The following MACROD2 variants were observed in gnomAD, a reference collection of about 807,000 sequenced individuals.
MACROD2 encodes the protein mono-ADP ribosylhydrolase 2.
In MACROD2, 36 loss-of-function variants were observed where a neutral mutation model predicts 70.4. That is an observed-to-expected ratio of 0.51 (90% CI 0.39 to 0.68). MACROD2 has a LOEUF of 0.68. Among genes scored for constraint, MACROD2 ranks in the 30% least tolerant of loss-of-function variants. The pLI is 0.00. For synonymous variants in MACROD2, 172 were observed against 178.8 expected, an observed-to-expected ratio of 0.96 and a Z score of 0.30; for missense variants, 496 against 538.4, an observed-to-expected ratio of 0.92 and a Z score of 0.78.
chr20:14,711,963 T>C lies in MACROD2; in HGVS notation c.418+27004T>C, dbSNP rs543618174. ...GTGCTGACCAGACTTCTTCCATCTG[T>C]ATAGAACACTCACTTTTTCACATCA... On this transcript the variant is annotated intron_variant, in intron 5 of 17. Transcript: ENST00000684519. Among the ~76,000 whole-genome samples the C allele has an allele frequency of 1.6e-3, 238 of 152,296 alleles. 2 individuals are homozygous for C. The highest frequency in any genetic ancestry group is 5.6e-3 in the African/African-American group (232 of 41,562).
At chr20:15,191,213 G>A (rs1201113664) in intron 5 of MACROD2, among the ~76,000 whole-genome samples, 1 of 152,274 alleles carries the variant, frequency 6.6e-6, no homozygotes, top group East Asian at 1.9e-4. Context: ...TGTCCCTACA[G>A]AGAACAGGAG....
chr20:14,045,467 A>G (rs1362682180), intron 2 of MACROD2, among the ~76,000 whole-genome samples: 1 of 152,268 alleles, frequency 6.6e-6, no homozygotes, highest in African/African-American at 2.4e-5. Context: ...TACTACCTGC[A>G]TAGTTTAGGA....
At chr20:15,816,793 A>G (rs1600939389) in intron 8 of MACROD2, among the ~76,000 whole-genome samples, 1 of 152,216 alleles carries the variant, frequency 6.6e-6, no homozygotes. Flanking sequence ...CCTGTCTCCC[A>G]TGTACTTATG....
At chr20:14,574,997 G>T (rs1447118921) in intron 4 of MACROD2, among the ~76,000 whole-genome samples, 4 of 116,952 alleles carry the variant, frequency 3.4e-5, no homozygotes, top group Non-Finnish European at 5.0e-5. Flanking sequence ...CGGCCTGGGC[G>T]ACAGAGCGAG....
intron 3 of MACROD2, among the ~76,000 whole-genome samples, chr20:14,240,730 A>G (rs936179706): frequency 2.6e-5 from 4 of 152,210 alleles, no homozygotes; most frequent in African/African-American, 9.7e-5. Context: ...AAAGCTACTT[A>G]AGAGGTACTA....
At chr20:14,938,027 C>CT (rs2074356667) in intron 5 of MACROD2, among the ~76,000 whole-genome samples, 1 of 92,736 alleles carries the variant, frequency 1.1e-5, no homozygotes, top group Admixed American at 1.1e-4. Flanking sequence ...TTTTTTCATT[C>CT]TTTTTTATTG....
At chr20:15,653,967 T>G (rs2049685971) in intron 8 of MACROD2, among the ~76,000 whole-genome samples, 1 of 152,092 alleles carries the variant, frequency 6.6e-6, no homozygotes, top group Admixed American at 6.6e-5. Flanking sequence ...CAGGAAGACA[T>G]GGAAAAGAGG....
chr20:15,713,500 C>T (rs560433362), intron 8 of MACROD2, among the ~76,000 whole-genome samples: 113 of 152,002 alleles, frequency 7.4e-4, no homozygotes, highest in Admixed American at 2.0e-3. Context: ...TGGCAGAATG[C>T]AAAAGGGAAG....
At chr20:14,176,369 G>C (rs944682974) in intron 3 of MACROD2, among the ~76,000 whole-genome samples, 4 of 152,182 alleles carry the variant, frequency 2.6e-5, no homozygotes, top group African/African-American at 9.7e-5. Context: ...ATAATAATGT[G>C]TTTGTGCAGT....
At chr20:15,789,165 C>T (rs565555557) in intron 8 of MACROD2, among the ~76,000 whole-genome samples, 9 of 152,248 alleles carry the variant, frequency 5.9e-5, no homozygotes, top group East Asian at 5.8e-4. Context: ...CTAGCCACAG[C>T]GAACAAGCAT....
intron 4 of MACROD2, among the ~76,000 whole-genome samples, chr20:14,550,883 T>A (rs75438647): frequency 4.2e-3 from 2 of 478 alleles, no homozygotes; most frequent in Admixed American, 0.02. Flanking sequence ...AGTAGCAGTT[T>A]TTTTTTTTTT....
chr20:14,236,653 T>G (rs1342450573), intron 3 of MACROD2, among the ~76,000 whole-genome samples: 1 of 152,174 alleles, frequency 6.6e-6, no homozygotes, highest in Admixed American at 6.5e-5. Context: ...TGAAGTCCAC[T>G]CTGTTACTTC....
chr20:14,540,103 G>A (rs529240700), intron 4 of MACROD2, among the ~76,000 whole-genome samples: 2 of 152,200 alleles, frequency 1.3e-5, no homozygotes, highest in East Asian at 3.9e-4. Context: ...TTATGGCAAT[G>A]TCCTTAATTA....
intron 7 of MACROD2, among the ~76,000 whole-genome samples, chr20:15,451,501 C>G (rs2046643205): frequency 6.6e-6 from 1 of 151,558 alleles, no homozygotes; most frequent in Non-Finnish European, 1.5e-5. Flanking sequence ...GGCTCTCTCC[C>G]TCTGAGGCTA....
chr20:14,864,580 A>C (rs370050836), intron 5 of MACROD2, among the ~76,000 whole-genome samples: 2 of 152,112 alleles, frequency 1.3e-5, no homozygotes, highest in African/African-American at 4.8e-5. Context: ...TGTGCGAACA[A>C]ATTTCTTTTC....
intron 5 of MACROD2, among the ~76,000 whole-genome samples, chr20:15,206,824 C>A (rs1011970817): frequency 6.7e-6 from 1 of 148,282 alleles, no homozygotes; most frequent in African/African-American, 2.5e-5. Flanking sequence ...GCAAGCTCCA[C>A]CTCCCGGGTT....
intron 4 of MACROD2, among the ~76,000 whole-genome samples, chr20:14,501,245 T>G (rs2084911707): frequency 6.6e-6 from 1 of 152,138 alleles, no homozygotes; most frequent in Non-Finnish European, 1.5e-5. Flanking sequence ...AGATGGGGAA[T>G]GAAATACAGA....
At chr20:14,044,475 C>G (rs776410532) in intron 2 of MACROD2, among the ~76,000 whole-genome samples, 15 of 152,174 alleles carry the variant, frequency 9.9e-5, no homozygotes, top group African/African-American at 3.6e-4. Flanking sequence ...TATTTGGCCC[C>G]ACCCACATCC....
At chr20:14,833,380 AC>A (rs1353702082) in intron 5 of MACROD2, among the ~76,000 whole-genome samples, 2 of 152,060 alleles carry the variant, frequency 1.3e-5, no homozygotes, top group African/African-American at 4.8e-5. Flanking sequence ...ATACAAGAAA[AC>A]TGTCCCTGAC....
Sources: allele counts gnomAD v4.1 joint callset (sites outside exome capture counted in the v4.1 genomes callset), GRCh38; gene constraint gnomAD v4.1.1; transcripts MANE v1.5; gene names NCBI Gene and HGNC (gene_info 2026-07-23, HGNC 2026-07-21).